ZC3H11C: variants seen among roughly 807,000 people sequenced by gnomAD.
The protein encoded by ZC3H11C is zinc finger CCCH-type containing 11C, also known as zinc finger CCCH domain-containing protein 11C.
the ZC3H11C span, among the ~76,000 whole-genome samples, chr6:65,301,638 C>G: frequency 6.6e-6 from 1 of 152,256 alleles, no homozygotes; most frequent in Admixed American, 6.5e-5. Flanking sequence ...AGAAAGCCAC[C>G]GACCTTATTC....
chr6:65,306,071 C>T, the ZC3H11C span, among the ~76,000 whole-genome samples: 1 of 152,048 alleles, frequency 6.6e-6, no homozygotes, highest in Admixed American at 6.5e-5. Context: ...AAGGAATAAG[C>T]ATGATGGAAA....
At chr6:65,306,495 T>C in the ZC3H11C span, among the ~76,000 whole-genome samples, 1 of 152,294 alleles carries the variant, frequency 6.6e-6, no homozygotes, top group South Asian at 2.1e-4. Flanking sequence ...GCTTTTGGAA[T>C]CAGCTTACAG....
chr6:65,305,761 CT>C, the ZC3H11C span, among the ~76,000 whole-genome samples: 1 of 152,224 alleles, frequency 6.6e-6, no homozygotes, highest in African/African-American at 2.4e-5. Flanking sequence ...TGCCTCCTTG[CT>C]GGCATTGAAT....
the ZC3H11C span, chr6:65,303,309 C>T: frequency 1.3e-6 from 1 of 788,850 alleles, no homozygotes; most frequent in Non-Finnish European, 2.3e-6. Context: ...GTGGTGAGGA[C>T]AGTAACTCTC....
At chr6:65,306,205 C>CTGTCA in the ZC3H11C span, among the ~76,000 whole-genome samples, 3 of 152,208 alleles carry the variant, frequency 2.0e-5, no homozygotes, top group African/African-American at 7.2e-5. Context: ...TGACCCCCAC[C>CTGTCA]TGTCATGTTG....
At chr6:65,305,443 GTATGTCTTTTT>G in the ZC3H11C span, among the ~76,000 whole-genome samples, 2 of 152,186 alleles carry the variant, frequency 1.3e-5, no homozygotes, top group South Asian at 4.1e-4. Flanking sequence ...GTGTTAGATT[GTATGTCTTTTT>G]AAAGGTATTT....
chr6:65,305,194 CT>C, the ZC3H11C span, among the ~76,000 whole-genome samples: 3 of 151,624 alleles, frequency 2.0e-5, no homozygotes, highest in Admixed American at 2.0e-4. Context: ...GAAAAAAGTT[CT>C]GTCATACCCT....
chr6:65,305,704 G>A, the ZC3H11C span, among the ~76,000 whole-genome samples: 1 of 152,322 alleles, frequency 6.6e-6, no homozygotes, highest in Non-Finnish European at 1.5e-5. Context: ...CATGATTAGA[G>A]GAATTCTTTT....
At chr6:65,302,175 T>G in the ZC3H11C span, among the ~76,000 whole-genome samples, 1 of 152,206 alleles carries the variant, frequency 6.6e-6, no homozygotes, top group Non-Finnish European at 1.5e-5. Flanking sequence ...ATGGACTTAA[T>G]CTCCCAGTAG....
chr6:65,303,685 T>G, the ZC3H11C span: 1 of 556,034 alleles, frequency 1.8e-6, no homozygotes, highest in Non-Finnish European at 3.0e-6. Context: ...CTTCAAAAAC[T>G]GATGATTCTA....
chr6:65,302,096 CTTTTT>C, the ZC3H11C span, among the ~76,000 whole-genome samples: 54 of 152,132 alleles, frequency 3.5e-4, no homozygotes, highest in African/African-American at 1.3e-3. Context: ...TAAATGAACT[CTTTTT>C]TTTGTTTTGT....
chr6:65,306,513 G>A, the ZC3H11C span, among the ~76,000 whole-genome samples: 1 of 152,046 alleles, frequency 6.6e-6, no homozygotes, highest in Non-Finnish European at 1.5e-5. Context: ...CAGATTCCAG[G>A]TCCCTTTTGT....
chr6:65,306,077 G>A, the ZC3H11C span, among the ~76,000 whole-genome samples: 1 of 152,150 alleles, frequency 6.6e-6, no homozygotes, highest in Non-Finnish European at 1.5e-5. Flanking sequence ...TAAGCATGAT[G>A]GAAATAATAG....
the ZC3H11C span, among the ~76,000 whole-genome samples, chr6:65,301,838 G>A: frequency 1.3e-5 from 2 of 152,162 alleles, no homozygotes; most frequent in Admixed American, 1.3e-4. Flanking sequence ...CATCTTCCAG[G>A]CCATCTCAAG....
the ZC3H11C span, among the ~76,000 whole-genome samples, chr6:65,306,376 C>G: frequency 6.6e-6 from 1 of 152,080 alleles, no homozygotes; most frequent in Non-Finnish European, 1.5e-5. Flanking sequence ...ATTTATGTAT[C>G]GACACACCTC....
chr6:65,306,480 A>G, the ZC3H11C span, among the ~76,000 whole-genome samples: 1 of 152,018 alleles, frequency 6.6e-6, no homozygotes, highest in African/African-American at 2.4e-5. Context: ...TTTTCTACTT[A>G]TTTCGCTTTT....
the ZC3H11C span, among the ~76,000 whole-genome samples, chr6:65,302,152 A>C: frequency 2.6e-5 from 4 of 152,204 alleles, no homozygotes; most frequent in African/African-American, 9.6e-5. Flanking sequence ...CCAGTCTGAC[A>C]AAGGTTATTT....
the ZC3H11C span, among the ~76,000 whole-genome samples, chr6:65,305,653 C>A: frequency 6.6e-6 from 1 of 152,298 alleles, no homozygotes; most frequent in South Asian, 2.1e-4. Context: ...AACTAATTTT[C>A]TATTTCTGGG....
At chr6:65,301,972 A>C in the ZC3H11C span, among the ~76,000 whole-genome samples, 2 of 152,284 alleles carry the variant, frequency 1.3e-5, no homozygotes, top group East Asian at 1.9e-4. Context: ...GAAATCTTGA[A>C]GACCAGAAAT....
Sources: allele counts gnomAD v4.1 joint callset (sites outside exome capture counted in the v4.1 genomes callset), GRCh38; gene constraint gnomAD v4.1.1; transcripts MANE v1.5; gene names NCBI Gene and HGNC (gene_info 2026-07-23, HGNC 2026-07-21).